The following PAN3 variants were observed in gnomAD, a reference collection of about 807,000 sequenced individuals.
PAN3 encodes the protein poly(A) specific ribonuclease subunit PAN3.
PAN3 carries 19 observed loss-of-function variants against 96.2 expected under a neutral mutation model. The ratio of observed to expected loss-of-function variants is 0.20; its 90% CI spans 0.14 to 0.29. The LOEUF (loss-of-function observed/expected upper bound fraction) is 0.29, where lower values mean the gene tolerates loss of function less well. PAN3 is among the 10% of genes least tolerant of loss of function. The probability of loss-of-function intolerance (pLI) is 1.00; values close to 1 mark genes in which losing one functional copy is unlikely to be tolerated. For synonymous variants in PAN3, 433 were observed against 406.6 expected, an observed-to-expected ratio of 1.06 and a Z score of -0.78; for missense variants, 882 against 1,108.1, an observed-to-expected ratio of 0.80 and a Z score of 2.90.
rs1051830040 is a variant in PAN3, at chr13:28,294,083, A to G, written c.*1561A>G. 4 of 152,682 alleles carry G rather than the reference A, an allele frequency of 2.6e-5. No individual in the cohort carries two copies. 9.5% of individuals were successfully genotyped at this position (152,682 alleles called of 1,614,324 possible). A position where few individuals can be genotyped will look rare whatever the true frequency, so the allele number is the denominator to read the frequency against. On this transcript the variant is annotated 3_prime_UTR_variant, in exon 19 of 19. Coordinates refer to ENST00000380958, the MANE Select transcript of PAN3 (RefSeq NM_175854.8). ...TCTCTGCCTTGAGATTTGCATCAAG[A>G]AAAAGCACCTCTCTTCACCTGAAAG...
intron 6 of PAN3, among the ~76,000 whole-genome samples, chr13:28,253,449 A>G (rs1160905954): frequency 6.6e-6 from 1 of 152,188 alleles, no homozygotes; most frequent in Admixed American, 6.5e-5. Context: ...AGATGACACA[A>G]AGCTGTGTCT....
At chr13:28,245,675 G>A (rs147794538) in intron 6 of PAN3, among the ~76,000 whole-genome samples, 121 of 152,024 alleles carry the variant, frequency 8.0e-4, no homozygotes, top group African/African-American at 2.7e-3. Flanking sequence ...AACACTTCCC[G>A]TTTTTCTCTC....
chr13:28,223,778 G>GT (rs1033656874), intron 6 of PAN3, among the ~76,000 whole-genome samples: 5 of 150,326 alleles, frequency 3.3e-5, no homozygotes, highest in African/African-American at 1.2e-4. Flanking sequence ...TAGGCAGAGG[G>GT]TTTTTTTGAC....
Position 28,228,908 on chromosome 13 carries a change from A to G in PAN3, c.1000+8530A>G, listed in dbSNP as rs183061576. 1.8e-3 allele frequency among the ~76,000 whole-genome samples: 273 copies of G among 152,318 alleles called. 2 individuals are homozygous for G. The highest frequency in any genetic ancestry group is 6.2e-3 in the African/African-American group (256 of 41,572). On this transcript the variant is annotated intron_variant, in intron 6 of 18. Coordinates refer to ENST00000380958, the MANE Select transcript of PAN3 (RefSeq NM_175854.8). ...AATGACATGGCTTAATATGACAAAA[A>G]TGTATTTCTTGCTTTTGTAACACTC...
chr13:28,138,612 CGGCGGCTCCTCG>C lies in PAN3; in HGVS notation c.-39_-28del, dbSNP rs1391120614. ...CCTCCCCCGTCTATGGTGGTGGCGG[CGGCGGCTCCTCG>C]GGCGGCGGCGGAAGACGAGGCTGCG... On this transcript the variant is annotated 5_prime_UTR_variant, in exon 1 of 19. Transcript: ENST00000380958. 3 of 490,290 alleles carry C rather than the reference CGGCGGCTCCTCG, an allele frequency of 6.1e-6. No homozygotes were observed. The highest frequency in any genetic ancestry group is 4.3e-5 in the Admixed American group (1 of 23,434). The allele number at this position is 490,290 out of a possible 1,614,324, so 30.4% of individuals were successfully genotyped here. A position where few individuals can be genotyped will look rare whatever the true frequency, so the allele number is the denominator to read the frequency against.
At chr13:28,189,438 C>T (rs1318579154) in intron 4 of PAN3, among the ~76,000 whole-genome samples, 1 of 152,066 alleles carries the variant, frequency 6.6e-6, no homozygotes, top group Admixed American at 6.6e-5. Context: ...ATGGCTTGAA[C>T]CCAGGAAGCA....
chr13:28,170,380 C>G (rs1219110926), intron 1 of PAN3, among the ~76,000 whole-genome samples: 1 of 152,122 alleles, frequency 6.6e-6, no homozygotes, highest in Non-Finnish European at 1.5e-5. Context: ...ACCAGTATTT[C>G]ATTTTGCTTA....
chr13:28,154,818 TTTTTC>T (rs1871892254), intron 1 of PAN3, among the ~76,000 whole-genome samples: 1 of 150,184 alleles, frequency 6.7e-6, no homozygotes, highest in Non-Finnish European at 1.5e-5. Flanking sequence ...TTTTTTTTTT[TTTTTC>T]TTTTCTTTTT....
intron 14 of PAN3, among the ~76,000 whole-genome samples, chr13:28,274,565 G>T (rs1468248228): frequency 1.3e-5 from 2 of 150,184 alleles, no homozygotes; most frequent in Non-Finnish European, 3.0e-5. Context: ...TATGTTATGA[G>T]TCGTGTAGTT....
intron 7 of PAN3, 75 bp downstream of exon 7, chr13:28,256,614 C>G (rs936325720): frequency 2.1e-6 from 3 of 1,426,022 alleles, no homozygotes; most frequent in Admixed American, 2.4e-5. Context: ...CGGTCTACCC[C>G]CTCCTGCAGC....
intron 2 of PAN3, among the ~76,000 whole-genome samples, 182 bp from the exon 3 acceptor site, chr13:28,176,311 T>C (rs923228249): frequency 2.6e-5 from 4 of 152,156 alleles, no homozygotes; most frequent in Non-Finnish European, 5.9e-5. Context: ...AAAATTTTCA[T>C]TTCATGTGGT....
chr13:28,210,418 G>A (rs948219216), intron 5 of PAN3, among the ~76,000 whole-genome samples: 11 of 152,098 alleles, frequency 7.2e-5, no homozygotes, highest in African/African-American at 2.7e-4. Context: ...ATGCTAATAT[G>A]AATCTTTTGG....
intron 1 of PAN3, 21 bp downstream of exon 1, chr13:28,139,108 G>T (rs1442820115): frequency 1.6e-6 from 2 of 1,271,258 alleles, no homozygotes; most frequent in Non-Finnish European, 2.0e-6. Flanking sequence ...TTCGGGCGGG[G>T]CGGGCCGCGG....
chr13:28,176,263 G>A (rs1005919935), intron 2 of PAN3, among the ~76,000 whole-genome samples: 2 of 152,128 alleles, frequency 1.3e-5, no homozygotes, highest in Admixed American at 6.6e-5. Context: ...ATTCAAAATA[G>A]GTCTGTAGCT....
Position 28,220,331 on chromosome 13 carries a change from T to C in PAN3, c.953T>C (p.Phe318Ser), listed in dbSNP as rs757902351. 2.3e-5 allele frequency: 37 copies of C among 1,613,672 alleles called. No homozygotes were observed. Among genetic ancestry groups the C allele is most frequent in the Non-Finnish European group, 3.1e-5 (36 of 1,179,792 alleles). Residue 318 changes from phenylalanine (F) to serine (S), a missense_variant, in exon 6 of 19, where the codon TTC becomes TCC. By Grantham distance (155) the Phe-to-Ser change is radical. This residue lies in a region of PAN3 where 442 missense variants were observed against 422.8 expected (regional missense o/e 1.05). Coordinates refer to ENST00000380958, the MANE Select transcript of PAN3 (RefSeq NM_175854.8). ...QSNMSAFSQV[F>S]SHPSMGSPAT... ...AATATGTCTGCCTTCTCTCAAGTTT[T>C]CTCTCACCCATCCATGGGAAGCCCT...
At chr13:28,142,193 A>G (rs1348201204) in intron 1 of PAN3, among the ~76,000 whole-genome samples, 4 of 152,170 alleles carry the variant, frequency 2.6e-5, no homozygotes, top group Non-Finnish European at 5.9e-5. Flanking sequence ...GTGGGAAATA[A>G]TGTTGCTCAG....
At chr13:28,243,560 C>T (rs921224435) in intron 6 of PAN3, among the ~76,000 whole-genome samples, 1 of 152,096 alleles carries the variant, frequency 6.6e-6, no homozygotes, top group Non-Finnish European at 1.5e-5. Flanking sequence ...CAGAAGTCTA[C>T]GGCAGTGTTT....
At chr13:28,141,009 T>TTTTATTA (rs1566128460) in intron 1 of PAN3, among the ~76,000 whole-genome samples, 2 of 120,616 alleles carry the variant, frequency 1.7e-5, no homozygotes, top group South Asian at 2.6e-4. Flanking sequence ...GACACTTTTT[T>TTTTATTA]TTTTTTTTTT....
intron 17 of PAN3, among the ~76,000 whole-genome samples, chr13:28,284,514 G>C (rs910568711): frequency 2.2e-4 from 34 of 151,712 alleles, no homozygotes; most frequent in African/African-American, 8.2e-4. Context: ...CCAAGATTAT[G>C]AAGGAACTAT....
Sources: allele counts gnomAD v4.1 joint callset (sites outside exome capture counted in the v4.1 genomes callset), GRCh38; gene constraint gnomAD v4.1.1; regional missense constraint gnomAD v4.1.1; transcripts MANE v1.5; gene names NCBI Gene and HGNC (gene_info 2026-07-23, HGNC 2026-07-21).